Variants in SORCS1 observed in about 807,000 individuals in gnomAD.
SORCS1 encodes the protein sortilin related VPS10 domain containing receptor 1.
Under a neutral mutation model 146.1 loss-of-function variants are expected in SORCS1, and 60 were observed. The ratio of observed to expected loss-of-function variants is 0.41; its 90% confidence interval spans 0.33 to 0.51. SORCS1 has a LOEUF of 0.51. Ranked by LOEUF, SORCS1 falls within the 20% of genes least tolerant of loss-of-function variation. The probability of loss-of-function intolerance (pLI) is 0.21; values close to 1 mark genes in which losing one functional copy is unlikely to be tolerated. For missense variants in SORCS1, 1,352 were observed against 1,487.6 expected (o/e 0.91, Z 1.50); for synonymous variants, 637 against 584.0 (o/e 1.09, Z -1.31).
chr10:107,094,086 A>G (rs772682873), intron 1 of SORCS1, among the ~76,000 whole-genome samples: 9 of 152,168 alleles, frequency 5.9e-5, no homozygotes, highest in Non-Finnish European at 1.0e-4. Flanking sequence ...TATTTTCTCC[A>G]TAACAGTGAT....
chr10:107,070,652 G>A (rs1279358462), intron 1 of SORCS1, among the ~76,000 whole-genome samples: 2 of 151,942 alleles, frequency 1.3e-5, no homozygotes, highest in Non-Finnish European at 2.9e-5. Context: ...CATTCTATTG[G>A]CTCTCACAGA....
At chr10:106,646,690 C>CA (rs775360323) in intron 18 of SORCS1, among the ~76,000 whole-genome samples, 5 of 150,834 alleles carry the variant, frequency 3.3e-5, no homozygotes, top group African/African-American at 7.3e-5. Context: ...GAGTGAGACT[C>CA]AAAAAAAATA....
In SORCS1 at chr10:106,890,196, C is replaced by T. The variant is rs530302636; in HGVS notation, c.627-60523G>A. 3.9e-5 allele frequency among the ~76,000 whole-genome samples: 6 copies of T among 152,216 alleles called. No individual in the cohort carries two copies. The East Asian group carries it at 1.2e-3, about 29-fold the overall frequency. ...CTATTCTTCCTTGTTGACTGAAAACCCTTGGCTATTTCCCTCCCATTTCCC... is the reference window on the plus strand; with the variant it reads ...CTATTCTTCCTTGTTGACTGAAAACTCTTGGCTATTTCCCTCCCATTTCCC... On this transcript the variant is annotated intron_variant, in intron 2 of 25. Coordinates refer to ENST00000263054, the MANE Select transcript of SORCS1 (RefSeq NM_052918.5).
chr10:106,630,548 T>C (rs945059679), intron 18 of SORCS1, among the ~76,000 whole-genome samples: 2 of 152,222 alleles, frequency 1.3e-5, no homozygotes, highest in African/African-American at 4.8e-5. Flanking sequence ...AATTCTCATG[T>C]GCCATTAACA....
At chr10:106,959,953 C>G (rs954897121) in intron 1 of SORCS1, among the ~76,000 whole-genome samples, 2 of 152,060 alleles carry the variant, frequency 1.3e-5, no homozygotes, top group East Asian at 3.9e-4. Flanking sequence ...AATCAAAAAG[C>G]AAAGCTGTTT....
rs532875847 is a variant in SORCS1 at position 107,059,336 on chromosome 10, G to T, written c.559-102756C>A. On this transcript the variant is annotated intron_variant, in intron 1 of 25. Transcript: ENST00000263054. ...CAAGCATTCTAGTTTCGCTGAAACT[G>T]TGACATGATATGGCTATAGTTTCCT... Among the ~76,000 whole-genome samples, 5 of 152,306 alleles carry T rather than the reference G, an allele frequency of 3.3e-5. No homozygotes were observed. The South Asian group carries it at 8.3e-4, about 25-fold the overall frequency.
At chr10:106,811,691 A>G (rs1320852848) in intron 3 of SORCS1, among the ~76,000 whole-genome samples, 1 of 152,216 alleles carries the variant, frequency 6.6e-6, no homozygotes, top group Non-Finnish European at 1.5e-5. Context: ...AAAACATTCA[A>G]GCAGCAGTAC....
intron 2 of SORCS1, among the ~76,000 whole-genome samples, chr10:106,880,963 G>A (rs1266048780): frequency 1.3e-5 from 2 of 151,218 alleles, no homozygotes; most frequent in African/African-American, 4.9e-5. Flanking sequence ...GGTGGCAGGC[G>A]CCTGTAGTCC....
At chr10:107,137,678 C>T (rs1032116812) in intron 1 of SORCS1, among the ~76,000 whole-genome samples, 1 of 152,024 alleles carries the variant, frequency 6.6e-6, no homozygotes, top group African/African-American at 2.4e-5. Context: ...GTCTGACCAA[C>T]ATGGAGAAAC....
the SORCS1 span, among the ~76,000 whole-genome samples, chr10:107,176,540 T>C: frequency 6.6e-6 from 1 of 151,976 alleles, no homozygotes. Flanking sequence ...CCCCAGTATG[T>C]TGCTGCCTAG....
intron 17 of SORCS1, among the ~76,000 whole-genome samples, chr10:106,653,635 T>C (rs1415725173): frequency 6.6e-6 from 1 of 152,192 alleles, no homozygotes; most frequent in African/African-American, 2.4e-5. Context: ...AGTTTTCCAA[T>C]GCGTTTAAGT....
chr10:107,021,452 T>C (rs1958129209), intron 1 of SORCS1, among the ~76,000 whole-genome samples: 1 of 135,160 alleles, frequency 7.4e-6, no homozygotes. Context: ...AGGCAGAACT[T>C]GCAGTGAGCC....
At chr10:106,988,670 G>A (rs1335267001) in intron 1 of SORCS1, among the ~76,000 whole-genome samples, 1 of 152,018 alleles carries the variant, frequency 6.6e-6, no homozygotes, top group African/African-American at 2.4e-5. Flanking sequence ...GGCAGAGTAG[G>A]AAAAATGCAT....
At chr10:106,883,351 C>G (rs1355510596) in intron 2 of SORCS1, among the ~76,000 whole-genome samples, 1 of 151,968 alleles carries the variant, frequency 6.6e-6, no homozygotes, top group African/African-American at 2.4e-5. Flanking sequence ...ACGCCATGCT[C>G]AAAGACTGAA....
chr10:106,626,497 G>A (rs1848122321), intron 19 of SORCS1, among the ~76,000 whole-genome samples: 2 of 152,124 alleles, frequency 1.3e-5, no homozygotes, highest in Admixed American at 1.3e-4. Flanking sequence ...CCATATCATG[G>A]CACTTTGGCA....
At chr10:106,696,330 A>C (rs1419370808) in intron 9 of SORCS1, among the ~76,000 whole-genome samples, 2 of 152,224 alleles carry the variant, frequency 1.3e-5, no homozygotes, top group Non-Finnish European at 2.9e-5. Flanking sequence ...CTACTGGGAA[A>C]TTCATGCTGG....
chr10:106,859,824 G>C (rs913852334), intron 2 of SORCS1, among the ~76,000 whole-genome samples: 2 of 152,074 alleles, frequency 1.3e-5, no homozygotes, highest in Non-Finnish European at 2.9e-5. Flanking sequence ...ATTTACATGC[G>C]TTTGATCTCG....
intron 3 of SORCS1, among the ~76,000 whole-genome samples, chr10:106,814,315 G>A (rs148925466): frequency 6.6e-6 from 1 of 152,178 alleles, no homozygotes; most frequent in East Asian, 1.9e-4. Flanking sequence ...TATTTAAAAC[G>A]CGAAATTTAT....
chr10:106,837,087 A>G (rs1424884488), intron 2 of SORCS1, among the ~76,000 whole-genome samples: 1 of 152,218 alleles, frequency 6.6e-6, no homozygotes, highest in African/African-American at 2.4e-5. Context: ...TATTTTTAGC[A>G]AACAGGATGT....
Sources: gnomAD v4.1 joint callset for allele counts (sites outside exome capture counted in the v4.1 genomes callset) on GRCh38, gnomAD v4.1.1 for gene constraint, MANE v1.5 for transcripts, NCBI Gene and HGNC (gene_info 2026-07-23, HGNC 2026-07-21) for gene names.